The following ANKS1B variants were observed in gnomAD, a reference collection of about 807,000 sequenced individuals.
ANKS1B encodes ankyrin repeat and sterile alpha motif domain containing 1B.
Under a neutral mutation model 148.3 loss-of-function variants are expected in ANKS1B, and 36 were observed. The ratio of observed to expected loss-of-function variants is 0.24; its 90% CI spans 0.19 to 0.32. ANKS1B has a LOEUF of 0.32. ANKS1B is among the 10% of genes least tolerant of loss of function. ANKS1B has a pLI of 1.00. For synonymous variants in ANKS1B, 542 were observed against 560.8 expected, an observed-to-expected ratio of 0.97 and a Z score of 0.47; for missense variants, 1,157 against 1,542.6, an observed-to-expected ratio of 0.75 and a Z score of 4.19.
intron 12 of ANKS1B, among the ~76,000 whole-genome samples, chr12:99,251,902 A>G (rs1222638439): frequency 1.3e-5 from 2 of 152,218 alleles, no homozygotes; most frequent in Non-Finnish European, 1.5e-5. Flanking sequence ...CGTTTCCTGT[A>G]TATCAGGTGG....
chr12:99,101,976 T>C (rs2058054187), intron 15 of ANKS1B, among the ~76,000 whole-genome samples: 1 of 151,950 alleles, frequency 6.6e-6, no homozygotes, highest in South Asian at 2.1e-4. Flanking sequence ...AGGCTAATGT[T>C]GTAGATTTGG....
At chr12:98,945,421 G>A (rs1156636754) in intron 17 of ANKS1B, among the ~76,000 whole-genome samples, 1 of 149,714 alleles carries the variant, frequency 6.7e-6, no homozygotes, top group Non-Finnish European at 1.5e-5. Context: ...CCTGAGCCCG[G>A]AAGGTGGAGT....
At chr12:99,686,211 G>A (rs1475550220) in intron 8 of ANKS1B, among the ~76,000 whole-genome samples, 1 of 152,122 alleles carries the variant, frequency 6.6e-6, no homozygotes, top group Non-Finnish European at 1.5e-5. Context: ...GCTACATGAT[G>A]AACCATAACC....
intron 17 of ANKS1B, among the ~76,000 whole-genome samples, chr12:98,933,189 T>C (rs574648557): frequency 6.6e-6 from 1 of 152,192 alleles, no homozygotes; most frequent in African/African-American, 2.4e-5. Flanking sequence ...CACTCTTTGA[T>C]TCTATGAGTT....
chr12:98,954,213 ACTC>A (rs1417113428), intron 17 of ANKS1B: 1 of 152,162 alleles, frequency 6.6e-6, no homozygotes, highest in Non-Finnish European at 1.5e-5. Context: ...ACTTATCTGC[ACTC>A]CTCAAGATCC....
At chr12:99,715,857 T>C (rs779496108) in intron 8 of ANKS1B, among the ~76,000 whole-genome samples, 4 of 152,210 alleles carry the variant, frequency 2.6e-5, no homozygotes, top group Non-Finnish European at 5.9e-5. Flanking sequence ...TAATTTCAAT[T>C]GCTTTCATTT....
At chr12:98,827,375 C>T (rs1038028707) in intron 19 of ANKS1B, among the ~76,000 whole-genome samples, 17 of 152,304 alleles carry the variant, frequency 1.1e-4, no homozygotes, top group African/African-American at 2.6e-4. Flanking sequence ...GGAATGCATG[C>T]GTGCACAGGT....
At chr12:99,586,793 G>A (rs1446128372) in intron 9 of ANKS1B, among the ~76,000 whole-genome samples, 3 of 152,190 alleles carry the variant, frequency 2.0e-5, no homozygotes, top group African/African-American at 4.8e-5. Context: ...TGCAGGCAAA[G>A]AGTATGTGCG....
intron 17 of ANKS1B, among the ~76,000 whole-genome samples, chr12:98,944,665 C>T (rs566162604): frequency 1.9e-4 from 29 of 152,198 alleles, no homozygotes; most frequent in Non-Finnish European, 4.0e-4. Flanking sequence ...TGTCCCCTCA[C>T]TGCCCCTGAA....
chr12:99,669,656 T>C (rs1022420853), intron 8 of ANKS1B, among the ~76,000 whole-genome samples: 27 of 152,202 alleles, frequency 1.8e-4, no homozygotes, highest in Non-Finnish European at 4.4e-5. Flanking sequence ...TTTGGAGGTT[T>C]TTCTTTTTCT....
rs181608345 is a variant in ANKS1B, at chr12:99,927,441, A to T, written c.134+56663T>A. ...TTGCCATAAATTGATATTATTCAAA[A>T]ATATATATATGTTCCATATTTGTCC... On this transcript the variant is annotated intron_variant, in intron 1 of 26. Coordinates refer to ENST00000683438, the MANE Select transcript of ANKS1B (RefSeq NM_001352186.2). Among the ~76,000 whole-genome samples, 387 of 152,318 alleles carry T rather than the reference A, an allele frequency of 2.5e-3. 1 individual carries two copies. Among genetic ancestry groups the T allele is most frequent in the Middle Eastern group, 0.017 (5 of 294 alleles).
chr12:99,089,170 A>ATT (rs11350172), intron 15 of ANKS1B, among the ~76,000 whole-genome samples: 1 of 148,924 alleles, frequency 6.7e-6, no homozygotes, highest in East Asian at 2.0e-4. Context: ...CTCCTCCATC[A>ATT]TTTTTTTTTT....
chr12:98,878,922 A>C (rs1596089165), intron 17 of ANKS1B, among the ~76,000 whole-genome samples: 1 of 152,316 alleles, frequency 6.6e-6, no homozygotes, highest in Non-Finnish European at 1.5e-5. Context: ...GTAATGTCTT[A>C]ATTTTTAAGC....
intron 15 of ANKS1B, among the ~76,000 whole-genome samples, chr12:99,086,843 C>T (rs2052024759): frequency 6.6e-6 from 1 of 152,028 alleles, no homozygotes; most frequent in African/African-American, 2.4e-5. Context: ...CACAAAAACG[C>T]AAGAATAGAA....
rs375621484 is a variant in ANKS1B at position 99,831,322 on chromosome 12, A to G, written c.135-5933T>C. On this transcript the variant is annotated intron_variant, in intron 1 of 26. Coordinates refer to ENST00000683438, the MANE Select transcript of ANKS1B (RefSeq NM_001352186.2). ...ATATTCAGTAATGGTTAGCATGCAG[A>G]GCTTATAATAAGCTGGTGGTGAAAA... Among the ~76,000 whole-genome samples the G allele has an allele frequency of 1.3e-4, 20 of 152,116 alleles. No individual in the cohort carries two copies. In the East Asian group the frequency reaches 3.3e-3, roughly 25 times the overall value.
intron 17 of ANKS1B, among the ~76,000 whole-genome samples, chr12:99,052,621 G>A (rs963828368): frequency 1.4e-5 from 2 of 147,800 alleles, no homozygotes; most frequent in Non-Finnish European, 3.0e-5. Flanking sequence ...CCAGCTACTC[G>A]GGAGGCTGAG....
intron 15 of ANKS1B, among the ~76,000 whole-genome samples, chr12:99,094,362 A>G (rs1184677770): frequency 6.6e-6 from 1 of 152,266 alleles, no homozygotes; most frequent in Non-Finnish European, 1.5e-5. Flanking sequence ...GTTAGTATAT[A>G]CAATTATTAT....
At chr12:99,958,395 T>G (rs894267831) in intron 1 of ANKS1B, among the ~76,000 whole-genome samples, 1 of 150,934 alleles carries the variant, frequency 6.6e-6, no homozygotes, top group Non-Finnish European at 1.5e-5. Flanking sequence ...TTTTGGGGGG[T>G]TTTTTGAGAC....
At chr12:99,339,971 C>T (rs1223222980) in intron 12 of ANKS1B, among the ~76,000 whole-genome samples, 1 of 152,088 alleles carries the variant, frequency 6.6e-6, no homozygotes, top group African/African-American at 2.4e-5. Flanking sequence ...GAACTTGGCC[C>T]TGTCTTTTAG....
Sources: gnomAD v4.1 joint callset for allele counts (sites outside exome capture counted in the v4.1 genomes callset) on GRCh38, gnomAD v4.1.1 for gene constraint, MANE v1.5 for transcripts, NCBI Gene and HGNC (gene_info 2026-07-23, HGNC 2026-07-21) for gene names.